ACTN4: variants seen among roughly 807,000 people sequenced by gnomAD.
ACTN4 encodes the protein alpha-actinin-4.
ACTN4 carries 18 observed loss-of-function variants against 114.2 expected under a neutral mutation model. That is an observed-to-expected ratio of 0.16 (90% CI 0.11 to 0.23). The LOEUF is 0.23. Ranked by LOEUF, ACTN4 falls within the 10% of genes least tolerant of loss-of-function variation. ACTN4 has a pLI of 1.00. For synonymous variants in ACTN4, 515 were observed against 506.3 expected, an observed-to-expected ratio of 1.02 and a Z score of -0.23; for missense variants, 722 against 1,262.9, an observed-to-expected ratio of 0.57 and a Z score of 6.49.
chr19:38,725,696 A>AGAG (rs1211817455), intron 16 of ACTN4, 28 bp from the exon 17 acceptor site: 19 of 1,609,616 alleles, frequency 1.2e-5, no homozygotes, highest in Non-Finnish European at 1.6e-5. Flanking sequence ...CACCAGCCTC[A>AGAG]CCCCACCGCC....
At chr19:38,721,709 CTA>C in intron 12 of ACTN4, 21 bp downstream of exon 12, 1 of 1,609,870 alleles carries the variant, frequency 6.2e-7, no homozygotes, top group Non-Finnish European at 8.5e-7. Context: ...GCTCAGGACA[CTA>C]TCATCACCTG....
At chr19:38,690,954 C>T (rs576534891) in intron 1 of ACTN4, among the ~76,000 whole-genome samples, 1 of 152,330 alleles carries the variant, frequency 6.6e-6, no homozygotes, top group African/African-American at 2.4e-5. Context: ...TGATTCCACT[C>T]ACTCCTAGAT....
chr19:38,706,278 A>T, intron 5 of ACTN4, 147 bp downstream of exon 5: 1 of 829,596 alleles, frequency 1.2e-6, no homozygotes, highest in East Asian at 2.7e-5. Context: ...CTACAAGCCC[A>T]TGGGAAGGTC....
intron 1 of ACTN4, among the ~76,000 whole-genome samples, chr19:38,655,987 A>G (rs1272698601): frequency 6.6e-6 from 1 of 152,124 alleles, no homozygotes; most frequent in East Asian, 1.9e-4. Flanking sequence ...TTTTTCTTCC[A>G]GTATTTTCGA....
rs769333210 is a variant in ACTN4 at position 38,731,176 on chromosome 19, G to C, written c.*1744G>C. 7 of 1,612,972 alleles carry C rather than the reference G, an allele frequency of 4.3e-6. No individual in the cohort carries two copies. In the Admixed American group the frequency reaches 1.2e-4, roughly 27 times the overall value. On this transcript the variant is annotated 3_prime_UTR_variant, in exon 21 of 21. Transcript: ENST00000252699. The stretch of plus-strand genomic sequence containing the variant: ...AAGTCCACACGCAGACGGCTATCCC[G>C]GTAGCGGCTGGTGAGGGTCTGGGTC...
intron 1 of ACTN4, among the ~76,000 whole-genome samples, chr19:38,660,431 T>G (rs1976849675): frequency 6.6e-6 from 1 of 152,124 alleles, no homozygotes; most frequent in Admixed American, 6.5e-5. Flanking sequence ...GTTTCGCTCT[T>G]GTTGCCCAGG....
At chr19:38,653,326 G>A (rs1976623797) in intron 1 of ACTN4, among the ~76,000 whole-genome samples, 1 of 151,818 alleles carries the variant, frequency 6.6e-6, no homozygotes, top group Non-Finnish European at 1.5e-5. Flanking sequence ...TGAAACCGTT[G>A]AGATGAACAC....
chr19:38,701,524 C>T lies in ACTN4; in HGVS notation c.397+403C>T, dbSNP rs571857224. ...GAACACCTTTCTCATTATGCCCTGC[C>T]CGGTATCAGAGAAGGACTGGAGGCC... is the stretch of plus-strand genomic sequence containing the variant. On this transcript the variant is annotated intron_variant, in intron 3 of 20. Coordinates refer to ENST00000252699, the MANE Select transcript of ACTN4 (RefSeq NM_004924.6). Among the ~76,000 whole-genome samples the T allele has an allele frequency of 2.4e-4, 37 of 152,332 alleles. No individual in the cohort carries two copies. The South Asian group carries it at 5.2e-3, about 21-fold the overall frequency.
At chr19:38,716,996 C>A in intron 9 of ACTN4, 90 bp from the exon 10 acceptor site, 1 of 1,399,826 alleles carries the variant, frequency 7.1e-7, no homozygotes, top group Non-Finnish European at 9.8e-7. Context: ...CCTCAAAGAT[C>A]CAGATCCCAT....
At chr19:38,677,729 G>A (rs118038219) in intron 1 of ACTN4, among the ~76,000 whole-genome samples, 113 of 152,232 alleles carry the variant, frequency 7.4e-4, no homozygotes, top group African/African-American at 2.6e-3. Flanking sequence ...AACAGGATGC[G>A]ATGCTTTTCT....
rs560826891 is a variant in ACTN4, at chr19:38,713,597, G to A, written c.820-872G>A. 9.7e-3 allele frequency among the ~76,000 whole-genome samples: 1,472 copies of A among 152,276 alleles called. 12 individuals carry two copies. Among genetic ancestry groups the A allele is most frequent in the Admixed American group, 0.018 (272 of 15,310 alleles). On this transcript the variant is annotated intron_variant, in intron 8 of 20. Coordinates refer to ENST00000252699, the MANE Select transcript of ACTN4 (RefSeq NM_004924.6). ...CACGAGCACCGGCTGCCGCCTCCCC[G>A]CCTGTCTCCAGGTGCCATGTGTGGA...
intron 1 of ACTN4, among the ~76,000 whole-genome samples, chr19:38,652,650 C>T (rs1229034721): frequency 1.3e-5 from 2 of 152,196 alleles, no homozygotes; most frequent in Non-Finnish European, 2.9e-5. Context: ...CATTTAACGG[C>T]AGCCGACTGC....
At chr19:38,716,711 C>T (rs958195392) in intron 9 of ACTN4, among the ~76,000 whole-genome samples, 1 of 152,214 alleles carries the variant, frequency 6.6e-6, no homozygotes, top group Non-Finnish European at 1.5e-5. Context: ...GAGGTAGGCA[C>T]CTGTAGTCCC....
At chr19:38,721,729 C>A in intron 12 of ACTN4, 41 bp downstream of exon 12, 1 of 1,606,166 alleles carries the variant, frequency 6.2e-7, no homozygotes, top group Admixed American at 1.7e-5. Flanking sequence ...CTGGCTCTCA[C>A]CACAGCCTGC....
At position 38,731,439 on chromosome 19, in the gene ACTN4, G is replaced by C; in HGVS notation, c.*2007G>C. ...ACTAAGACAGCCCCGACCCCATAGG[G>C]TGTGTGAAGACAGAACGCTCAGGAC... On this transcript the variant is annotated 3_prime_UTR_variant, in exon 21 of 21. Coordinates refer to ENST00000252699, the MANE Select transcript of ACTN4 (RefSeq NM_004924.6). 1 of 591,966 alleles carries C rather than the reference G, an allele frequency of 1.7e-6. No individual in the cohort carries two copies. The highest frequency in any genetic ancestry group is 2.8e-5 in the Admixed American group (1 of 35,416). 36.7% of individuals were successfully genotyped at this position (591,966 alleles called of 1,614,324 possible). A position where few individuals can be genotyped will look rare whatever the true frequency, so the allele number is the denominator to read the frequency against.
chr19:38,677,809 C>G (rs1409230207), intron 1 of ACTN4, among the ~76,000 whole-genome samples: 1 of 152,150 alleles, frequency 6.6e-6, no homozygotes, highest in African/African-American at 2.4e-5. Flanking sequence ...TGGGTGCAAC[C>G]CCTACCTCCC....
chr19:38,721,805 G>T, intron 12 of ACTN4, 117 bp downstream of exon 12: 1 of 1,438,522 alleles, frequency 7.0e-7, no homozygotes, highest in East Asian at 2.4e-5. Context: ...GGTCCCCAGT[G>T]CCCCAACTGC....
At chr19:38,681,806 A>C (rs1446154820) in intron 1 of ACTN4, among the ~76,000 whole-genome samples, 2 of 152,118 alleles carry the variant, frequency 1.3e-5, no homozygotes, top group Admixed American at 6.5e-5. Flanking sequence ...ATGCTACCTG[A>C]AGGCAGGTTT....
intron 1 of ACTN4, among the ~76,000 whole-genome samples, chr19:38,661,574 CCTT>C (rs1176846632): frequency 2.0e-5 from 3 of 152,198 alleles, no homozygotes; most frequent in East Asian, 1.9e-4. Flanking sequence ...TGTTGAGTCT[CCTT>C]CTTTGAAGTT....
Sources: allele counts gnomAD v4.1 joint callset (sites outside exome capture counted in the v4.1 genomes callset), GRCh38; gene constraint gnomAD v4.1.1; transcripts MANE v1.5; gene names NCBI Gene and HGNC (gene_info 2026-07-23, HGNC 2026-07-21).